Variants in PCDH11X observed in about 807,000 individuals in gnomAD.
PCDH11X encodes protocadherin-11 X-linked.
Under a neutral mutation model 53.3 loss-of-function variants are expected in PCDH11X, and 18 were observed. That is an observed-to-expected ratio of 0.34 (90% CI 0.23 to 0.50). The LOEUF (loss-of-function observed/expected upper bound fraction) is 0.50, where lower values mean the gene tolerates loss of function less well. Among genes scored for constraint, PCDH11X ranks in the 20% least tolerant of loss-of-function variants. PCDH11X has a pLI of 0.98. For synonymous variants in PCDH11X, 279 were observed against 393.3 expected, an observed-to-expected ratio of 0.71 and a Z score of 3.44; for missense variants, 570 against 1,032.4, an observed-to-expected ratio of 0.55 and a Z score of 6.14.
At chrX:92,254,738 T>C (rs1463711023) in intron 7 of PCDH11X, among the ~76,000 whole-genome samples, 3 of 108,753 alleles carry the variant, frequency 2.8e-5, no homozygotes, top group Non-Finnish European at 5.7e-5. Context: ...GGGTTGAAAA[T>C]TCTTTTCTTT....
intron 10 of PCDH11X, among the ~76,000 whole-genome samples, chrX:92,483,841 G>A (rs989794961): frequency 8.2e-5 from 9 of 109,625 alleles, no homozygotes; most frequent in Non-Finnish European, 1.3e-4. Flanking sequence ...GTTTAATGAC[G>A]CCATTCATTT....
intron 4 of PCDH11X, among the ~76,000 whole-genome samples, chrX:91,827,091 G>T (rs59904055): frequency 0.011 from 1,215 of 111,607 alleles, 17 homozygotes; most frequent in African/African-American, 0.037. Flanking sequence ...CATTGTAAAA[G>T]TATTCTCTTT....
chrX:91,921,725 G>A (rs972499979), intron 6 of PCDH11X, among the ~76,000 whole-genome samples: 104 of 105,554 alleles, frequency 9.9e-4, no homozygotes, highest in African/African-American at 3.4e-3. Flanking sequence ...GGATATCTTG[G>A]TTACATTCAA....
At position 92,185,907 on chromosome X, in the gene PCDH11X, G is replaced by A. The variant is rs776474997; in HGVS notation, c.3034-15468G>A. On this transcript the variant is annotated intron_variant, in intron 6 of 10. Transcript: ENST00000682573. ...GAATGGGAACTTTTATAGGCTTTTG[G>A]TAGAAATGTAAATTAGTTCAGCCAT... 2.7e-3 allele frequency among the ~76,000 whole-genome samples: 306 copies of A among 111,307 alleles called. 2 individuals are homozygous for A. Among genetic ancestry groups the A allele is most frequent in the Non-Finnish European group, 5.1e-3 (271 of 53,028 alleles).
chrX:92,004,558 G>A (rs1373061302), intron 6 of PCDH11X, among the ~76,000 whole-genome samples: 24 of 109,609 alleles, frequency 2.2e-4, no homozygotes, highest in African/African-American at 7.6e-4. Flanking sequence ...TATATATCCA[G>A]GTGCTCCAGT....
intron 1 of PCDH11X, among the ~76,000 whole-genome samples, chrX:91,803,543 C>T (rs1027612828): frequency 9.9e-5 from 11 of 111,100 alleles, no homozygotes; most frequent in African/African-American, 3.3e-4. Flanking sequence ...CTTAAGCTTT[C>T]GACTCATATA....
At chrX:92,105,777 T>G (rs1445111825) in intron 6 of PCDH11X, among the ~76,000 whole-genome samples, 1 of 109,838 alleles carries the variant, frequency 9.1e-6, no homozygotes, top group Non-Finnish European at 1.9e-5. Flanking sequence ...TTACACTTCT[T>G]TTGTGGTGGA....
intron 6 of PCDH11X, among the ~76,000 whole-genome samples, chrX:92,017,485 G>A (rs183580156): frequency 0.014 from 1,487 of 106,173 alleles, 36 homozygotes; most frequent in African/African-American, 0.049. Flanking sequence ...GATCGCTTGA[G>A]GTCAGGAGTT....
chrX:92,232,882 AT>A (rs1171274034), intron 7 of PCDH11X, among the ~76,000 whole-genome samples: 5 of 110,447 alleles, frequency 4.5e-5, no homozygotes, highest in Non-Finnish European at 9.5e-5. Flanking sequence ...CGCCCGGCTA[AT>A]TTTTTGTATT....
chrX:92,541,498 A>C (rs768073700), intron 10 of PCDH11X, among the ~76,000 whole-genome samples: 170 of 111,138 alleles, frequency 1.5e-3, no homozygotes, highest in Admixed American at 6.5e-3. Flanking sequence ...TATGAATTTA[A>C]ACCATGTACT....
At chrX:92,160,393 G>A (rs1439723937) in intron 6 of PCDH11X, among the ~76,000 whole-genome samples, 1 of 110,073 alleles carries the variant, frequency 9.1e-6, no homozygotes, top group Non-Finnish European at 1.9e-5. Context: ...TCCCGCTTAT[G>A]AGTGAGAACA....
At chrX:92,447,620 G>T (rs1368250122) in intron 9 of PCDH11X, among the ~76,000 whole-genome samples, 4 of 112,309 alleles carry the variant, frequency 3.6e-5, no homozygotes, top group Non-Finnish European at 7.5e-5. Flanking sequence ...TGCTGCAGGG[G>T]CAGGGCCCTC....
At chrX:92,012,675 A>G (rs1322805516) in intron 6 of PCDH11X, among the ~76,000 whole-genome samples, 2 of 111,526 alleles carry the variant, frequency 1.8e-5, no homozygotes, top group Non-Finnish European at 3.8e-5. Flanking sequence ...GTGCAAAGGT[A>G]GACCTGGTAC....
At chrX:92,479,961 T>G (rs2073468450) in intron 10 of PCDH11X, among the ~76,000 whole-genome samples, 2 of 111,435 alleles carry the variant, frequency 1.8e-5, no homozygotes, top group Admixed American at 1.9e-4. Flanking sequence ...GCTTCCATTC[T>G]CCTCGTCTTT....
At chrX:92,289,931 A>T (rs1350664748) in intron 8 of PCDH11X, among the ~76,000 whole-genome samples, 2 of 111,706 alleles carry the variant, frequency 1.8e-5, no homozygotes, top group Non-Finnish European at 3.8e-5. Context: ...CATATATACT[A>T]TATTTTTAAA....
chrX:92,512,614 T>A (rs1159924786), intron 10 of PCDH11X, among the ~76,000 whole-genome samples: 1 of 111,948 alleles, frequency 8.9e-6, no homozygotes, highest in African/African-American at 3.2e-5. Context: ...AATCATAGTA[T>A]CTTTGCATCT....
chrX:92,201,313 G>A (rs2066386784), intron 6 of PCDH11X, 62 bp from the exon 7 acceptor site: 1 of 1,160,692 alleles, frequency 8.6e-7, no homozygotes, highest in South Asian at 1.9e-5. Flanking sequence ...TATATGAAAT[G>A]TACTGTGTAT....
At chrX:92,014,349 C>T (rs1178023052) in intron 6 of PCDH11X, among the ~76,000 whole-genome samples, 1 of 111,243 alleles carries the variant, frequency 9.0e-6, no homozygotes, top group Non-Finnish European at 1.9e-5. Context: ...CATCTCACAC[C>T]AGTTAGAATG....
chrX:92,182,840 G>A (rs960646486), intron 6 of PCDH11X, among the ~76,000 whole-genome samples: 7 of 111,050 alleles, frequency 6.3e-5, no homozygotes, highest in African/African-American at 2.0e-4. Context: ...GTCTTTATCA[G>A]CAGCATGAAA....
Sources: allele counts gnomAD v4.1 joint callset (sites outside exome capture counted in the v4.1 genomes callset), GRCh38; gene constraint gnomAD v4.1.1; transcripts MANE v1.5; gene names NCBI Gene and HGNC (gene_info 2026-07-23, HGNC 2026-07-21).